The following RNF217 variants were observed in gnomAD, a reference collection of about 807,000 sequenced individuals.
RNF217 encodes E3 ubiquitin-protein ligase RNF217.
A neutral mutation model predicts 57.8 loss-of-function variants in RNF217; 31 were observed. The ratio of observed to expected loss-of-function variants is 0.54; its 90% CI spans 0.40 to 0.72. RNF217 has a LOEUF of 0.72. RNF217 is among the 30% of genes least tolerant of loss of function. The pLI is 0.00. For synonymous variants in RNF217, 313 were observed against 294.0 expected (o/e 1.06, Z -0.66); for missense variants, 696 against 708.3 (o/e 0.98, Z 0.20).
chr6:125,002,801 T>C (rs560384547), intron 1 of RNF217, among the ~76,000 whole-genome samples: 1 of 152,270 alleles, frequency 6.6e-6, no homozygotes, highest in African/African-American at 2.4e-5. Flanking sequence ...TACTGTGTAT[T>C]GTGGAATCTA....
intron 1 of RNF217, among the ~76,000 whole-genome samples, chr6:124,965,771 C>T (rs1783514557): frequency 6.6e-6 from 1 of 152,150 alleles, no homozygotes; most frequent in Non-Finnish European, 1.5e-5. Context: ...GTGACTTTCA[C>T]TGACCACCCT....
intron 1 of RNF217, among the ~76,000 whole-genome samples, chr6:125,042,731 C>T (rs992358067): frequency 6.6e-6 from 1 of 152,064 alleles, no homozygotes; most frequent in Non-Finnish European, 1.5e-5. Context: ...CTTTAGCTGC[C>T]TTGGATTGCT....
intron 2 of RNF217, among the ~76,000 whole-genome samples, chr6:125,053,406 GA>G (rs1170909136): frequency 6.6e-6 from 1 of 152,116 alleles, no homozygotes; most frequent in Non-Finnish European, 1.5e-5. Flanking sequence ...TTGAGAATCT[GA>G]ACCTGAGGTT....
At chr6:124,984,061 A>C (rs889851200) in intron 1 of RNF217, among the ~76,000 whole-genome samples, 2 of 152,152 alleles carry the variant, frequency 1.3e-5, no homozygotes, top group African/African-American at 2.4e-5. Flanking sequence ...CAAAAGCCCC[A>C]CTTCTTAATA....
chr6:124,968,354 C>T (rs556269574), intron 1 of RNF217, among the ~76,000 whole-genome samples: 1 of 151,950 alleles, frequency 6.6e-6, no homozygotes, highest in South Asian at 2.1e-4. Context: ...TGTGTGCGTG[C>T]GTGTGTGTCT....
intron 1 of RNF217, chr6:124,983,267 G>T: frequency 1.5e-6 from 1 of 660,508 alleles, no homozygotes; most frequent in Non-Finnish European, 1.9e-6. Flanking sequence ...GTTTTAAAAG[G>T]CTTTTGTGTC....
At chr6:125,081,604 A>G (rs957853167) in intron 5 of RNF217, 97 bp downstream of exon 5, 17 of 986,700 alleles carry the variant, frequency 1.7e-5, no homozygotes, top group Admixed American at 4.8e-5. Context: ...TATTAAGTGG[A>G]CATAATTTAT....
chr6:124,972,664 T>A (rs1170207132), intron 1 of RNF217, among the ~76,000 whole-genome samples: 1 of 152,160 alleles, frequency 6.6e-6, no homozygotes, highest in African/African-American at 2.4e-5. Context: ...TTTAGTGATA[T>A]GAAGTTCTGT....
intron 1 of RNF217, among the ~76,000 whole-genome samples, chr6:124,991,189 C>T (rs1784547789): frequency 6.6e-6 from 1 of 152,198 alleles, no homozygotes; most frequent in African/African-American, 2.4e-5. Context: ...CACCCTGTTT[C>T]CTTTCTGACC....
intron 3 of RNF217, among the ~76,000 whole-genome samples, chr6:125,076,269 T>A (rs552642147): frequency 6.6e-6 from 1 of 152,332 alleles, no homozygotes; most frequent in East Asian, 1.9e-4. Flanking sequence ...TTATCTCTGC[T>A]TATTCCCCCA....
intron 1 of RNF217, among the ~76,000 whole-genome samples, chr6:124,979,678 C>A (rs1257864843): frequency 6.6e-6 from 1 of 152,130 alleles, no homozygotes; most frequent in African/African-American, 2.4e-5. Context: ...TAGTATAGAT[C>A]CTCCATGGAA....
At chr6:124,981,747 G>A (rs988824601) in intron 1 of RNF217, among the ~76,000 whole-genome samples, 7 of 151,886 alleles carry the variant, frequency 4.6e-5, no homozygotes, top group South Asian at 2.1e-4. Flanking sequence ...GGCCGAGGGC[G>A]GTGACTCATG....
intron 1 of RNF217, among the ~76,000 whole-genome samples, chr6:125,013,155 T>C (rs1785471955): frequency 6.6e-6 from 1 of 152,154 alleles, no homozygotes; most frequent in South Asian, 2.1e-4. Flanking sequence ...TTCATGGTTC[T>C]GGGGATATAG....
chr6:124,992,137 A>C (rs556661914), intron 1 of RNF217, among the ~76,000 whole-genome samples: 1 of 152,192 alleles, frequency 6.6e-6, no homozygotes, highest in Non-Finnish European at 1.5e-5. Context: ...AAGTAATGCC[A>C]GTAATGCTGA....
chr6:124,999,095 G>A (rs866199117), intron 1 of RNF217, among the ~76,000 whole-genome samples: 8 of 152,122 alleles, frequency 5.3e-5, no homozygotes, highest in African/African-American at 1.7e-4. Flanking sequence ...AGGTGACTTC[G>A]TGCCTCTAAA....
intron 1 of RNF217, among the ~76,000 whole-genome samples, chr6:125,003,403 A>G (rs1785059567): frequency 6.6e-6 from 1 of 152,152 alleles, no homozygotes; most frequent in Admixed American, 6.5e-5. Flanking sequence ...AACTTCCTTA[A>G]GCCTCAGTGT....
At chr6:124,990,757 G>T (rs1390892962) in intron 1 of RNF217, among the ~76,000 whole-genome samples, 1 of 152,052 alleles carries the variant, frequency 6.6e-6, no homozygotes, top group African/African-American at 2.4e-5. Flanking sequence ...TAGTACCTTT[G>T]TAGAGTGATC....
At chr6:125,010,739 T>A (rs887015956) in intron 1 of RNF217, among the ~76,000 whole-genome samples, 1 of 152,176 alleles carries the variant, frequency 6.6e-6, no homozygotes, top group African/African-American at 2.4e-5. Context: ...ACTACCCTAT[T>A]ACCCACAGGT....
chr6:125,018,837 T>C (rs1404339152), intron 1 of RNF217, among the ~76,000 whole-genome samples: 3 of 152,048 alleles, frequency 2.0e-5, no homozygotes, highest in African/African-American at 4.8e-5. Context: ...GCACTGGAGG[T>C]ACTGCAGTGT....
Sources: gnomAD v4.1 joint callset for allele counts (sites outside exome capture counted in the v4.1 genomes callset) on GRCh38, gnomAD v4.1.1 for gene constraint, MANE v1.5 for transcripts, NCBI Gene and HGNC (gene_info 2026-07-23, HGNC 2026-07-21) for gene names.